Variants in CALCR observed in about 807,000 individuals in gnomAD.
CALCR encodes the protein calcitonin receptor.
A neutral mutation model predicts 59.5 loss-of-function variants in CALCR; 47 were observed. The ratio of observed to expected loss-of-function variants is 0.79; its 90% CI spans 0.63 to 1.01. The LOEUF (loss-of-function observed/expected upper bound fraction) is 1.01. CALCR is among the 50% of genes least tolerant of loss of function. CALCR has a pLI of 0.00. For synonymous variants in CALCR, 213 were observed against 211.3 expected (o/e 1.01, Z -0.07); for missense variants, 566 against 597.1 (o/e 0.95, Z 0.54).
Position 93,479,362 on chromosome 7 carries a change from T to C in CALCR, c.197A>G (p.Gln66Arg). ...YDRMQQLPAY[Q>R]GEGPYCNRTW... ...TATATCCTTCTCTTTACCTTCTCCT[T>C]GGTATGCGGGTAACTGCTGCATTCG... The change falls in exon 4 of 14, where the codon CAA (glutamine) becomes CGA (arginine). Residue 66 changes from glutamine (Q) to arginine (R), a missense_variant. Coordinates refer to ENST00000426151, the MANE Select transcript of CALCR (RefSeq NM_001742.4). 6.2e-7 allele frequency: 1 copy of C among 1,607,906 alleles called. No individual in the cohort carries two copies. Among genetic ancestry groups the C allele is most frequent in the Non-Finnish European group, 8.5e-7 (1 of 1,177,404 alleles).
At chr7:93,496,082 A>AT (rs1368574451) in intron 2 of CALCR, 11 of 603,872 alleles carry the variant, frequency 1.8e-5, no homozygotes, top group Non-Finnish European at 2.8e-5. Context: ...AATTATCTTT[A>AT]TTTTTTGTGG....
chr7:93,545,218 G>T (rs1789254425), intron 2 of CALCR, among the ~76,000 whole-genome samples: 1 of 151,948 alleles, frequency 6.6e-6, no homozygotes, highest in Non-Finnish European at 1.5e-5. Context: ...AACTTAGTCG[G>T]CTCCTGAATA....
chr7:93,482,623 C>T (rs534104557), intron 3 of CALCR: 29 of 301,690 alleles, frequency 9.6e-5, no homozygotes, highest in African/African-American at 5.9e-4. Flanking sequence ...ATAGTATGTC[C>T]GAGGATAACA....
At chr7:93,494,619 G>GC (rs1391930805) in intron 2 of CALCR, among the ~76,000 whole-genome samples, 1 of 151,354 alleles carries the variant, frequency 6.6e-6, no homozygotes, top group Non-Finnish European at 1.5e-5. Context: ...CACCAAGCCT[G>GC]CCTCTAGTCA....
In CALCR at chr7:93,453,124, C is replaced by G. The variant is rs370632390; in HGVS notation, c.648+7697G>C. ...TTCACACCTCCTGTGCTGTATCACACAGAAATGAACAAGGTGCCACAGTTA... is the reference window on the plus strand; with the variant it reads ...TTCACACCTCCTGTGCTGTATCACAGAGAAATGAACAAGGTGCCACAGTTA... On this transcript the variant is annotated intron_variant, in intron 8 of 13. Coordinates refer to ENST00000426151, the MANE Select transcript of CALCR (RefSeq NM_001742.4). Among the ~76,000 whole-genome samples the G allele has an allele frequency of 6.6e-5, 10 of 152,100 alleles. No homozygotes were observed. The East Asian group carries it at 1.2e-3, about 18-fold the overall frequency.
chr7:93,454,901 T>A (rs988512292), intron 8 of CALCR, among the ~76,000 whole-genome samples: 1 of 132,132 alleles, frequency 7.6e-6, no homozygotes, highest in African/African-American at 4.0e-5. Flanking sequence ...CCACTGACAG[T>A]GAGGACAGGG....
At chr7:93,562,666 A>G (rs1291485943) in intron 2 of CALCR, among the ~76,000 whole-genome samples, 1 of 152,122 alleles carries the variant, frequency 6.6e-6, no homozygotes, top group Non-Finnish European at 1.5e-5. Context: ...TCTTTTATTT[A>G]ATGTGGGGCA....
At chr7:93,526,457 A>G (rs1345220939) in intron 2 of CALCR, among the ~76,000 whole-genome samples, 1 of 151,288 alleles carries the variant, frequency 6.6e-6, no homozygotes. Context: ...AGGGGGAAAA[A>G]GGCAGAGAAT....
At chr7:93,471,793 C>T (rs1451168600) in intron 6 of CALCR, among the ~76,000 whole-genome samples, 1 of 151,736 alleles carries the variant, frequency 6.6e-6, no homozygotes, top group Admixed American at 6.6e-5. Context: ...ATAAATGTTT[C>T]TAAGCAGAGA....
At chr7:93,451,638 G>A (rs1051845847) in intron 8 of CALCR, among the ~76,000 whole-genome samples, 22 of 151,924 alleles carry the variant, frequency 1.4e-4, no homozygotes, top group East Asian at 3.9e-4. Flanking sequence ...CACAAGTTTC[G>A]TTTTTCACCA....
intron 9 of CALCR, among the ~76,000 whole-genome samples, chr7:93,443,012 G>A (rs757034): frequency 0.65 from 99,359 of 151,806 alleles, 33,030 homozygotes; most frequent in East Asian, 0.88. Context: ...TAGTTTGTAC[G>A]GAAGCAGCCA....
rs532486733 is a variant in CALCR, at chr7:93,510,954, G to A, written c.-26-23947C>T. Among the ~76,000 whole-genome samples, 24 of 152,108 alleles carry A rather than the reference G, an allele frequency of 1.6e-4. 1 individual carries two copies. The highest frequency in any genetic ancestry group is 4.3e-4 in the African/African-American group (18 of 41,510). On this transcript the variant is annotated intron_variant, in intron 2 of 13. Coordinates refer to ENST00000426151, the MANE Select transcript of CALCR (RefSeq NM_001742.4). ...GAATGGGTTGGGGAAGAGCAAGCCC[G>A]GAAGCAAAGCTAGTTAGGGAATGGA...
rs149402171 is a variant in CALCR at position 93,566,356 on chromosome 7, T to C, written c.-27+7933A>G. The stretch of plus-strand genomic sequence containing the variant: ...TCCAGGTTATACCAAAAGGCTGGAA[T>C]TTGGTTATAGGTATAGTCACAGTTC... On this transcript the variant is annotated intron_variant, in intron 2 of 13. Transcript: ENST00000426151. Among the ~76,000 whole-genome samples, 983 of 152,278 alleles carry C rather than the reference T, an allele frequency of 6.5e-3. 5 individuals carry two copies. The highest frequency in any genetic ancestry group is 0.01 in the Non-Finnish European group (704 of 68,022).
chr7:93,531,319 C>A (rs73711696), intron 2 of CALCR, among the ~76,000 whole-genome samples: 3 of 151,946 alleles, frequency 2.0e-5, no homozygotes, highest in African/African-American at 7.2e-5. Context: ...ATTATTGAGT[C>A]GGAACCTGGG....
intron 13 of CALCR, among the ~76,000 whole-genome samples, chr7:93,429,837 A>G (rs1799609870): frequency 6.9e-6 from 1 of 144,974 alleles, no homozygotes; most frequent in Admixed American, 7.0e-5. Context: ...TGAGCTTGAC[A>G]TTTAAAAATC....
At chr7:93,472,891 C>G (rs561505454) in intron 5 of CALCR, among the ~76,000 whole-genome samples, 1 of 151,880 alleles carries the variant, frequency 6.6e-6, no homozygotes, top group South Asian at 2.1e-4. Context: ...TAGAGAAGAA[C>G]AAGAACATAC....
At chr7:93,569,935 G>GACACACACACACAC (rs3068441) in intron 2 of CALCR, among the ~76,000 whole-genome samples, 178 of 144,108 alleles carry the variant, frequency 1.2e-3, no homozygotes, top group African/African-American at 3.0e-3. Flanking sequence ...GATGTAAAGG[G>GACACACACACACAC]ACACACACAC....
intron 4 of CALCR, 102 bp from the exon 5 acceptor site, chr7:93,477,770 A>G (rs892605898): frequency 1.0e-5 from 7 of 691,812 alleles, no homozygotes; most frequent in South Asian, 6.4e-5. Context: ...TCACTACACC[A>G]GTCATAACCA....
chr7:93,566,578 T>C (rs1397769989), intron 2 of CALCR, among the ~76,000 whole-genome samples: 1 of 152,162 alleles, frequency 6.6e-6, no homozygotes, highest in African/African-American at 2.4e-5. Flanking sequence ...AGAGAGAGCA[T>C]AGTCTTTTGG....
Sources: allele counts gnomAD v4.1 joint callset (sites outside exome capture counted in the v4.1 genomes callset), GRCh38; gene constraint gnomAD v4.1.1; transcripts MANE v1.5; gene names NCBI Gene and HGNC (gene_info 2026-07-23, HGNC 2026-07-21).